The following HERC4 variants were observed in gnomAD, a reference collection of about 807,000 sequenced individuals.
HERC4 encodes probable E3 ubiquitin-protein ligase HERC4.
In HERC4, 28 loss-of-function variants were observed where a neutral mutation model predicts 124.3. The ratio of observed to expected loss-of-function variants is 0.23; its 90% CI spans 0.17 to 0.31. The LOEUF (loss-of-function observed/expected upper bound fraction) is 0.31. HERC4 is among the 10% of genes least tolerant of loss of function. The pLI is 1.00. For synonymous variants in HERC4, 407 were observed against 421.5 expected (o/e 0.97, Z 0.42); for missense variants, 713 against 1,229.3 (o/e 0.58, Z 6.28).
At chr10:67,962,582 T>C (rs978069104) in intron 16 of HERC4, among the ~76,000 whole-genome samples, 2 of 152,006 alleles carry the variant, frequency 1.3e-5, no homozygotes, top group African/African-American at 2.4e-5. Flanking sequence ...ACATTAGGTA[T>C]AATCATTTTT....
chr10:68,066,754 GAA>G (rs766336785), intron 3 of HERC4, among the ~76,000 whole-genome samples: 2 of 152,160 alleles, frequency 1.3e-5, no homozygotes, highest in East Asian at 3.8e-4. Context: ...ATATATAACA[GAA>G]AAGAGAAAAG....
chr10:68,073,222 G>A (rs1271860376), intron 2 of HERC4, 36 bp from the exon 3 acceptor site: 4 of 723,956 alleles, frequency 5.5e-6, no homozygotes, highest in Non-Finnish European at 6.8e-6. Flanking sequence ...TGACTTCAAA[G>A]AAAAAAGGAT....
At chr10:67,952,018 A>G (rs1299174850) in intron 19 of HERC4, among the ~76,000 whole-genome samples, 2 of 152,138 alleles carry the variant, frequency 1.3e-5, no homozygotes, top group Non-Finnish European at 2.9e-5. Flanking sequence ...ACCCATGGTT[A>G]TATCTTACAT....
intron 5 of HERC4, among the ~76,000 whole-genome samples, chr10:68,036,382 C>T (rs2039469709): frequency 6.8e-6 from 1 of 147,146 alleles, no homozygotes; most frequent in Admixed American, 6.8e-5. Context: ...GCTGAGTAAA[C>T]AAACAAACAA....
chr10:67,949,273 G>A (rs769192103), intron 19 of HERC4, among the ~76,000 whole-genome samples: 2 of 151,882 alleles, frequency 1.3e-5, no homozygotes, highest in Non-Finnish European at 2.9e-5. Flanking sequence ...GACAAAGTGA[G>A]ACTCTGTCTC....
chr10:68,066,850 G>A (rs1376099256), intron 3 of HERC4, among the ~76,000 whole-genome samples: 1 of 152,130 alleles, frequency 6.6e-6, no homozygotes, highest in East Asian at 1.9e-4. Context: ...GTATCAAAGT[G>A]GTATCAGAAT....
At chr10:68,052,710 T>G (rs1447910306) in intron 3 of HERC4, among the ~76,000 whole-genome samples, 4 of 152,206 alleles carry the variant, frequency 2.6e-5, no homozygotes. Context: ...TAGAGTATCA[T>G]CAACTCCAAT....
At chr10:67,935,521 G>A (rs182637853) in intron 22 of HERC4, among the ~76,000 whole-genome samples, 1 of 152,246 alleles carries the variant, frequency 6.6e-6, no homozygotes, top group Admixed American at 6.5e-5. Context: ...GAAGGAGGGA[G>A]CTATAGACTT....
intron 16 of HERC4, among the ~76,000 whole-genome samples, chr10:67,957,210 T>C (rs1219445262): frequency 6.6e-6 from 1 of 152,244 alleles, no homozygotes; most frequent in Non-Finnish European, 1.5e-5. Flanking sequence ...TACAATCATA[T>C]ACTGCAAGTA....
chr10:67,986,638 G>A (rs181817458), intron 15 of HERC4, among the ~76,000 whole-genome samples: 2 of 152,256 alleles, frequency 1.3e-5, no homozygotes, highest in East Asian at 1.9e-4. Flanking sequence ...TTACAAGCAT[G>A]AGCCATCACG....
At chr10:67,978,975 C>T (rs187370771) in intron 15 of HERC4, among the ~76,000 whole-genome samples, 4 of 152,220 alleles carry the variant, frequency 2.6e-5, no homozygotes, top group Non-Finnish European at 5.9e-5. Context: ...CCAAGTCCTT[C>T]TGAATATCTG....
intron 9 of HERC4, among the ~76,000 whole-genome samples, chr10:68,004,713 G>T (rs2037435662): frequency 6.6e-6 from 1 of 152,192 alleles, no homozygotes; most frequent in Non-Finnish European, 1.5e-5. Flanking sequence ...ATGGCAGAAG[G>T]CGAAGAGGAA....
At chr10:67,949,057 T>A (rs2033601578) in intron 19 of HERC4, among the ~76,000 whole-genome samples, 3 of 151,982 alleles carry the variant, frequency 2.0e-5, no homozygotes, top group South Asian at 4.2e-4. Context: ...ATCGAGATCA[T>A]CCTGGCTAAC....
chr10:68,069,319 T>TA, intron 3 of HERC4: 2 of 979,850 alleles, frequency 2.0e-6, no homozygotes, highest in African/African-American at 3.5e-5. Flanking sequence ...AAAAGTATTT[T>TA]AAAGTTCTTA....
At chr10:67,923,827 G>A (rs1401310074) in intron 24 of HERC4, among the ~76,000 whole-genome samples, 5 of 151,962 alleles carry the variant, frequency 3.3e-5, no homozygotes, top group African/African-American at 4.8e-5. Context: ...CAAGATTCTC[G>A]GAGGTTGCCA....
At position 67,922,879 on chromosome 10, in the gene HERC4, A is replaced by C; in HGVS notation, c.*52T>G. On this transcript the variant is annotated 3_prime_UTR_variant, in exon 25 of 25. Transcript: ENST00000373700. ...TGCTGAATTCATCACCACAAGAAAA[A>C]CACAAATAGTTTAATGCTTTTGCAC... 7.9e-7 allele frequency: 1 copy of C among 1,270,202 alleles called. No individual in the cohort carries two copies. Among genetic ancestry groups the C allele is most frequent in the South Asian group, 1.4e-5 (1 of 71,080 alleles). 78.7% of individuals were successfully genotyped at this position (1,270,202 alleles called of 1,614,324 possible).
chr10:67,956,875 T>C lies in HERC4; in HGVS notation c.2025+3A>G. 1 of 1,531,108 alleles carries C rather than the reference T, an allele frequency of 6.5e-7. No individual in the cohort carries two copies. The highest frequency in any genetic ancestry group is 8.8e-7 in the Non-Finnish European group (1 of 1,136,224). The allele number at this position is 1,531,108 out of a possible 1,614,324, so 94.8% of individuals were successfully genotyped here. A position where few individuals can be genotyped will look rare whatever the true frequency, so the allele number is the denominator to read the frequency against. Reference sequence around the variant, plus strand: ...AAAAAAACCCTCTCAAATAATATTTTACCTGCATCTGTAAGACTGCATCGG... The same window carrying C: ...AAAAAAACCCTCTCAAATAATATTTCACCTGCATCTGTAAGACTGCATCGG... On this transcript the variant is annotated splice_donor_region_variant and intron_variant, in intron 17 of 24. Transcript: ENST00000373700.
At chr10:68,025,698 T>C (rs775926774) in intron 7 of HERC4, 22 bp from the exon 8 acceptor site, 1 of 1,596,916 alleles carries the variant, frequency 6.3e-7, no homozygotes, top group Non-Finnish European at 8.5e-7. Flanking sequence ...CAAAACCCCT[T>C]ATCATTAGAA....
chr10:68,025,309 T>C (rs1412427621), intron 8 of HERC4, among the ~76,000 whole-genome samples: 3 of 152,066 alleles, frequency 2.0e-5, no homozygotes, highest in East Asian at 1.9e-4. Flanking sequence ...ACAATAAATA[T>C]AATATTACAT....
Sources: gnomAD v4.1 joint callset for allele counts (sites outside exome capture counted in the v4.1 genomes callset) on GRCh38, gnomAD v4.1.1 for gene constraint, MANE v1.5 for transcripts, NCBI Gene and HGNC (gene_info 2026-07-23, HGNC 2026-07-21) for gene names.